NSD3: variants seen among roughly 807,000 people sequenced by gnomAD.
The protein encoded by NSD3 is nuclear receptor binding SET domain protein 3.
In NSD3, 24 loss-of-function variants were observed where a neutral mutation model predicts 160.8. The ratio of observed to expected loss-of-function variants is 0.15; its 90% CI spans 0.11 to 0.21. NSD3 has a LOEUF of 0.21. NSD3 is among the 10% of genes least tolerant of loss of function. NSD3 has a pLI of 1.00. For synonymous variants in NSD3, 520 were observed against 600.0 expected (o/e 0.87, Z 1.95); for missense variants, 1,157 against 1,735.9 (o/e 0.67, Z 5.93).
At chr8:38,376,152 C>T (rs72630619) in intron 1 of NSD3, among the ~76,000 whole-genome samples, 1,753 of 151,946 alleles carry the variant, frequency 0.012, 24 homozygotes, top group Middle Eastern at 0.027. Context: ...TTTTTCGTTT[C>T]ATCGCTATCT....
intron 4 of NSD3, among the ~76,000 whole-genome samples, chr8:38,334,427 TAC>T (rs1810155416): frequency 6.6e-6 from 1 of 152,182 alleles, no homozygotes; most frequent in Admixed American, 6.5e-5. Flanking sequence ...TCTGTGAATG[TAC>T]AGATTTTTAA....
chr8:38,306,095 T>A (rs1809385085), intron 12 of NSD3, among the ~76,000 whole-genome samples: 2 of 151,992 alleles, frequency 1.3e-5, no homozygotes, highest in Admixed American at 1.3e-4. Flanking sequence ...GAAATCAACA[T>A]TCGCCAGGGA....
chr8:38,310,243 A>G (rs1282416696), intron 12 of NSD3, among the ~76,000 whole-genome samples: 3 of 152,294 alleles, frequency 2.0e-5, no homozygotes, highest in African/African-American at 4.8e-5. Flanking sequence ...GAATTTGACT[A>G]TTCCAAGTAA....
chr8:38,334,981 ATT>A (rs1166396294), intron 4 of NSD3, among the ~76,000 whole-genome samples: 13 of 132,856 alleles, frequency 9.8e-5, no homozygotes, highest in Admixed American at 1.5e-4. Context: ...CCAGGCTAGA[ATT>A]TTTTTTTTTT....
At chr8:38,378,138 T>C (rs1389591017) in intron 1 of NSD3, among the ~76,000 whole-genome samples, 1 of 152,134 alleles carries the variant, frequency 6.6e-6, no homozygotes, top group African/African-American at 2.4e-5. Context: ...ATAACTTTTT[T>C]TTTTTTTGAG....
intron 5 of NSD3, 144 bp from the exon 6 acceptor site, chr8:38,330,037 A>G: frequency 2.2e-6 from 2 of 918,682 alleles, no homozygotes; most frequent in Non-Finnish European, 3.2e-6. Flanking sequence ...GGAATGTTCT[A>G]TCTCCATAAT....
At chr8:38,337,896 T>C (rs1228296103) in intron 3 of NSD3, among the ~76,000 whole-genome samples, 1 of 152,234 alleles carries the variant, frequency 6.6e-6, no homozygotes, top group Non-Finnish European at 1.5e-5. Flanking sequence ...TGATGCCTCC[T>C]ATCTAAAACT....
chr8:38,284,613 G>A (rs1201235355), intron 19 of NSD3, among the ~76,000 whole-genome samples: 2 of 152,044 alleles, frequency 1.3e-5, no homozygotes, highest in African/African-American at 4.8e-5. Context: ...TCTCGAACTC[G>A]TAATCTCAAA....
At chr8:38,326,912 C>A in intron 6 of NSD3, 56 bp from the exon 7 acceptor site, 3 of 1,589,738 alleles carry the variant, frequency 1.9e-6, no homozygotes, top group Non-Finnish European at 2.6e-6. Flanking sequence ...AGGCAAGTGG[C>A]ATCATGGGCT....
chr8:38,281,623 A>G (rs376303975), intron 19 of NSD3, 40 bp from the exon 20 acceptor site: 2 of 1,414,222 alleles, frequency 1.4e-6, no homozygotes, highest in African/African-American at 2.9e-5. Context: ...AAATCAGTGT[A>G]TTATATAAAG....
chr8:38,322,494 G>T (rs911532235), intron 7 of NSD3, among the ~76,000 whole-genome samples: 1 of 152,132 alleles, frequency 6.6e-6, no homozygotes, highest in African/African-American at 2.4e-5. Context: ...GGGCAAAAAT[G>T]AAAATGGAAT....
chr8:38,336,698 C>T (rs1810224516), intron 4 of NSD3, among the ~76,000 whole-genome samples: 1 of 152,106 alleles, frequency 6.6e-6, no homozygotes, highest in East Asian at 1.9e-4. Flanking sequence ...AATATGAGGT[C>T]ATATTTTCAG....
intron 14 of NSD3, among the ~76,000 whole-genome samples, chr8:38,302,255 CCTTT>C (rs1809294935): frequency 6.6e-6 from 1 of 152,166 alleles, no homozygotes; most frequent in African/African-American, 2.4e-5. Flanking sequence ...CTAAAGTGCT[CCTTT>C]CTGTGTGTGG....
At position 38,319,043 on chromosome 8, in the gene NSD3, T is replaced by C; in HGVS notation, c.1810-103A>G. ...CATCAATCTAAGCAATGATGAGTGA[T>C]TAATGTATCTGAAATCTGAACTCAG... is the stretch of plus-strand genomic sequence containing the variant. On this transcript the variant is annotated intron_variant, in intron 8 of 23. Transcript: ENST00000317025. This position sits in a 1 kb window ranked among gnomAD's most constrained non-coding sequence, Gnocchi z 4.1. 9.9e-7 allele frequency: 1 copy of C among 1,013,488 alleles called. No homozygotes were observed. The highest frequency in any genetic ancestry group is 1.5e-6 in the Non-Finnish European group (1 of 676,178). The allele number at this position is 1,013,488 out of a possible 1,614,324, so 62.8% of individuals were successfully genotyped here. A position where few individuals can be genotyped will look rare whatever the true frequency, so the allele number is the denominator to read the frequency against.
intron 10 of NSD3, 150 bp downstream of exon 10, chr8:38,315,762 C>A: frequency 7.8e-7 from 1 of 1,287,690 alleles, no homozygotes; most frequent in South Asian, 1.5e-5. Flanking sequence ...TGTTATATAA[C>A]ATGAGAGCAA....
At position 38,316,810 on chromosome 8, in the gene NSD3, G is replaced by T. The variant is rs535344110; in HGVS notation, c.1856-768C>A. On this transcript the variant is annotated intron_variant, in intron 9 of 23. Coordinates refer to ENST00000317025, the MANE Select transcript of NSD3 (RefSeq NM_023034.2). This position sits in a 1 kb window ranked among gnomAD's most constrained non-coding sequence, Gnocchi z 4.5. ...AAAAGGCAGAGAATAGTGTGGAATT[G>T]TTTTTTTTAAAACTGTGTGTAATAC... 4,819 of 1,060,436 alleles carry T rather than the reference G, an allele frequency of 4.5e-3. 10 individuals carry two copies. The highest frequency in any genetic ancestry group is 5.2e-3 in the Non-Finnish European group (4,548 of 876,096). 65.7% of individuals were successfully genotyped at this position (1,060,436 alleles called of 1,614,324 possible).
Position 38,289,513 on chromosome 8 carries a change from T to C in NSD3, c.3119-8A>G, listed in dbSNP as rs1016695710. 1 of 1,610,258 alleles carries C rather than the reference T, an allele frequency of 6.2e-7. No individual in the cohort carries two copies. Reference sequence around the variant, plus strand: ...TTGCAGCTTCTTCCAGTGCTGCCAATAAGATGATACAAAGTATGTAAATAC... The same window carrying C: ...TTGCAGCTTCTTCCAGTGCTGCCAACAAGATGATACAAAGTATGTAAATAC... On this transcript the variant is annotated splice_polypyrimidine_tract_variant and splice_region_variant and intron_variant, in intron 17 of 23. Coordinates refer to ENST00000317025, the MANE Select transcript of NSD3 (RefSeq NM_023034.2).
At chr8:38,356,662 T>C (rs1276222819) in intron 1 of NSD3, among the ~76,000 whole-genome samples, 1 of 152,244 alleles carries the variant, frequency 6.6e-6, no homozygotes, top group Non-Finnish European at 1.5e-5. Flanking sequence ...GCTAAATTTA[T>C]AGTTTAAGTC....
intron 1 of NSD3, among the ~76,000 whole-genome samples, chr8:38,363,688 A>AAGG (rs1402538748): frequency 6.6e-6 from 1 of 151,758 alleles, no homozygotes; most frequent in Non-Finnish European, 1.5e-5. Flanking sequence ...TAGATAAATC[A>AAGG]AGGTAACAGT....
Sources: gnomAD v4.1 joint callset for allele counts (sites outside exome capture counted in the v4.1 genomes callset) on GRCh38, gnomAD v4.1.1 for gene constraint, Gnocchi (gnomAD v3.1) non-coding constraint, MANE v1.5 for transcripts, NCBI Gene and HGNC (gene_info 2026-07-23, HGNC 2026-07-21) for gene names.